The following COQ8B variants were observed in gnomAD, a reference collection of about 807,000 sequenced individuals.
The protein encoded by COQ8B is coenzyme Q8B, also known as atypical kinase COQ8B, mitochondrial.
A neutral mutation model predicts 62.0 loss-of-function variants in COQ8B; 44 were observed. The observed-to-expected ratio is 0.71, with a 90% confidence interval of 0.56 to 0.91. The LOEUF (loss-of-function observed/expected upper bound fraction) is 0.91, where lower values mean the gene tolerates loss of function less well. Among genes scored for constraint, COQ8B ranks in the 40% least tolerant of loss-of-function variants. The probability of loss-of-function intolerance (pLI) is 0.00; values close to 1 mark genes in which losing one functional copy is unlikely to be tolerated. For missense variants in COQ8B, 649 were observed against 731.6 expected, an observed-to-expected ratio of 0.89 and a Z score of 1.30; for synonymous variants, 252 against 289.9, an observed-to-expected ratio of 0.87 and a Z score of 1.33.
intron 1 of COQ8B, chr19:40,715,011 T>TA: frequency 9.9e-6 from 6 of 609,070 alleles, no homozygotes; most frequent in South Asian, 6.1e-5. Context: ...CCCCGCCCGA[T>TA]CCCCACCCCG....
At chr19:40,715,127 C>G in intron 1 of COQ8B, 3 of 986,636 alleles carry the variant, frequency 3.0e-6, no homozygotes, top group Non-Finnish European at 3.6e-6. Context: ...TATGCCCGCC[C>G]CCTTCGGCCA....
At position 40,700,453 on chromosome 19, in the gene COQ8B, TG is replaced by T. The variant is rs2082052571; in HGVS notation, c.894-3del. The T allele has an allele frequency of 6.2e-7, 1 of 1,612,866 alleles. No individual in the cohort carries two copies. Among genetic ancestry groups the T allele is most frequent in the Admixed American group, 1.7e-5 (1 of 59,988 alleles). On this transcript the variant is annotated splice_region_variant and splice_polypyrimidine_tract_variant and intron_variant, in intron 10 of 14. Transcript: ENST00000324464. ...AAGGGGTCATTTGCCAGCAGCTGCCTGGGGCAGAAGGAAAGGGAGGAAGGGG... is the reference window on the plus strand; with the variant it reads ...AAGGGGTCATTTGCCAGCAGCTGCCTGGGCAGAAGGAAAGGGAGGAAGGGG...
At chr19:40,696,528 G>A (rs1048576937) in intron 12 of COQ8B, among the ~76,000 whole-genome samples, 10 of 151,988 alleles carry the variant, frequency 6.6e-5, no homozygotes, top group South Asian at 2.1e-4. Context: ...AGCCAGGTGC[G>A]GTGGTGCGTG....
rs761225927 is a variant in COQ8B at position 40,703,624 on chromosome 19, T to C, written c.718-2A>G. 5 of 1,613,030 alleles carry C rather than the reference T, an allele frequency of 3.1e-6. No individual in the cohort carries two copies. Among genetic ancestry groups the C allele is most frequent in the African/African-American group, 1.3e-5 (1 of 75,022 alleles). On this transcript the variant is annotated splice_acceptor_variant, in intron 8 of 14. Coordinates refer to ENST00000324464, the MANE Select transcript of COQ8B (RefSeq NM_024876.4). LOFTEE classifies it high-confidence loss of function. ...AATGCTCTGGGCTATGCCGGGGTAC[T>C]GTAAAGGGAGAAGGGAGGGAGAGAA... is the stretch of plus-strand genomic sequence containing the variant.
Position 40,705,577 on chromosome 19 carries a change from T to C in COQ8B, c.368-130A>G, listed in dbSNP as rs2082094492. ...GATGAACACAGGAGTCTGAGACCAGTCTGGGCAACAGTGACATCCTTTCTC... is the reference window on the plus strand; with the variant it reads ...GATGAACACAGGAGTCTGAGACCAGCCTGGGCAACAGTGACATCCTTTCTC... On this transcript the variant is annotated intron_variant, in intron 5 of 14. Transcript: ENST00000324464. 4 of 991,564 alleles carry C rather than the reference T, an allele frequency of 4.0e-6. No homozygotes were observed. In the African/African-American group the frequency reaches 6.6e-5, roughly 16 times the overall value. 61.4% of individuals were successfully genotyped at this position (991,564 alleles called of 1,614,324 possible).
intron 13 of COQ8B, among the ~76,000 whole-genome samples, chr19:40,694,864 G>A (rs1032724279): frequency 6.6e-6 from 1 of 152,096 alleles, no homozygotes; most frequent in Non-Finnish European, 1.5e-5. Flanking sequence ...TGGGCTCACA[G>A]TGCCCTGCGC....
chr19:40,715,140 C>A, intron 1 of COQ8B: 4 of 986,470 alleles, frequency 4.1e-6, no homozygotes, highest in Non-Finnish European at 4.8e-6. Context: ...TTCGGCCAGC[C>A]AACCAATGGC....
At chr19:40,704,886 G>A in intron 7 of COQ8B, 1 of 529,912 alleles carries the variant, frequency 1.9e-6, no homozygotes, top group African/African-American at 1.9e-5. Context: ...TCCCAGGGAA[G>A]GGAACTGAAG....
chr19:40,707,555 A>G (rs558875269), intron 5 of COQ8B, among the ~76,000 whole-genome samples: 7 of 152,002 alleles, frequency 4.6e-5, no homozygotes, highest in African/African-American at 1.7e-4. Context: ...GGTTCAAGCA[A>G]TTCTCCTGCC....
chr19:40,697,847 T>TAGAGAGAGAGAGAGAGAGAGAG (rs1349238558), intron 12 of COQ8B, among the ~76,000 whole-genome samples: 4 of 56,884 alleles, frequency 7.0e-5, no homozygotes, highest in African/African-American at 3.4e-4. Context: ...TATATATATA[T>TAGAGAGAGAGAGAGAGAGAGAG]ATATAGAGAG....
intron 13 of COQ8B, 34 bp from the exon 14 acceptor site, chr19:40,693,071 G>T (rs1206659294): frequency 1.3e-6 from 2 of 1,593,126 alleles, no homozygotes; most frequent in Admixed American, 1.7e-5. Context: ...AGGGACAAAG[G>T]CCGGGGCTCA....
intron 12 of COQ8B, among the ~76,000 whole-genome samples, chr19:40,699,102 C>A (rs1402087627): frequency 1.3e-5 from 2 of 151,876 alleles, no homozygotes; most frequent in Non-Finnish European, 2.9e-5. Flanking sequence ...GCATGAGCCA[C>A]CATGCTCAGC....
intron 5 of COQ8B, among the ~76,000 whole-genome samples, chr19:40,707,457 T>G (rs569968647): frequency 6.7e-4 from 85 of 126,728 alleles, no homozygotes; most frequent in Non-Finnish European, 1.2e-3. Context: ...TTACTTAGTG[T>G]TTTTTTTTTT....
At chr19:40,695,889 C>T in intron 13 of COQ8B, 100 bp downstream of exon 13, 2 of 1,226,648 alleles carry the variant, frequency 1.6e-6, no homozygotes, top group South Asian at 1.2e-5. Context: ...TTTATTATTT[C>T]TTAATTCCAG....
intron 1 of COQ8B, chr19:40,715,020 C>T (rs2082174837): frequency 3.5e-5 from 35 of 1,003,990 alleles, no homozygotes; most frequent in Non-Finnish European, 4.2e-5. Flanking sequence ...ATCCCCACCC[C>T]GTTACTGAGC....
intron 4 of COQ8B, among the ~76,000 whole-genome samples, chr19:40,710,552 G>A (rs918177301): frequency 6.6e-6 from 1 of 152,086 alleles, no homozygotes. Context: ...ACTCAGTCTT[G>A]TCTCCCAATT....
chr19:40,709,386 G>A (rs901144195), intron 5 of COQ8B, among the ~76,000 whole-genome samples: 1 of 152,090 alleles, frequency 6.6e-6, no homozygotes, highest in Non-Finnish European at 1.5e-5. Context: ...ACTTGTTGAG[G>A]GAACCTCCAC....
chr19:40,712,522 AG>A, intron 4 of COQ8B, among the ~76,000 whole-genome samples: 1 of 152,012 alleles, frequency 6.6e-6, no homozygotes, highest in East Asian at 1.9e-4. Flanking sequence ...TGGGAGGTGG[AG>A]GTTGCAGTGA....
At chr19:40,715,213 G>A (rs1053382470) in intron 1 of COQ8B, 3 of 983,690 alleles carry the variant, frequency 3.0e-6, no homozygotes, top group Non-Finnish European at 3.6e-6. Flanking sequence ...AGGGGCCAGA[G>A]AGAGGCCCTA....
Sources: gnomAD v4.1 joint callset for allele counts (sites outside exome capture counted in the v4.1 genomes callset) on GRCh38, gnomAD v4.1.1 for gene constraint, MANE v1.5 for transcripts, NCBI Gene and HGNC (gene_info 2026-07-23, HGNC 2026-07-21) for gene names.